The following MAGI2 variants were observed in gnomAD, a reference collection of about 807,000 sequenced individuals.
MAGI2 encodes membrane-associated guanylate kinase, WW and PDZ domain-containing protein 2.
A neutral mutation model predicts 133.3 loss-of-function variants in MAGI2; 35 were observed. The observed-to-expected ratio is 0.26, with a 90% CI of 0.20 to 0.35. The LOEUF (loss-of-function observed/expected upper bound fraction) is 0.35, where lower values mean the gene tolerates loss of function less well. MAGI2 is among the 10% of genes least tolerant of loss of function. The probability of loss-of-function intolerance (pLI) is 1.00; values close to 1 mark genes in which losing one functional copy is unlikely to be tolerated. For missense variants in MAGI2, 1,636 were observed against 1,863.4 expected, an observed-to-expected ratio of 0.88 and a Z score of 2.25; for synonymous variants, 729 against 710.6, an observed-to-expected ratio of 1.03 and a Z score of -0.41.
At chr7:78,133,167 T>C in intron 17 of MAGI2, 107 bp from the exon 18 acceptor site, 3 of 841,730 alleles carry the variant, frequency 3.6e-6, no homozygotes, top group Non-Finnish European at 5.4e-6. Flanking sequence ...CAGGCTTTGG[T>C]TATTTCCGTT....
intron 1 of MAGI2, among the ~76,000 whole-genome samples, chr7:79,205,502 G>A (rs935791169): frequency 3.3e-5 from 5 of 151,898 alleles, no homozygotes; most frequent in African/African-American, 1.2e-4. Context: ...GCTTCTTTGA[G>A]TTGAAAGAAA....
chr7:78,319,801 A>G (rs7455585), intron 9 of MAGI2, among the ~76,000 whole-genome samples: 34,814 of 151,988 alleles, frequency 0.23, 5,204 homozygotes, highest in African/African-American at 0.4. Flanking sequence ...AGGAGATAGA[A>G]ACACAAAAAA....
chr7:79,078,915 A>G (rs533850907), intron 1 of MAGI2, among the ~76,000 whole-genome samples: 1 of 152,328 alleles, frequency 6.6e-6, no homozygotes, highest in East Asian at 1.9e-4. Context: ...TTTTAAATTC[A>G]TGGAATCACA....
At chr7:78,785,837 C>A (rs905962597) in intron 2 of MAGI2, among the ~76,000 whole-genome samples, 1 of 152,092 alleles carries the variant, frequency 6.6e-6, no homozygotes, top group Non-Finnish European at 1.5e-5. Flanking sequence ...TGGTGTGACA[C>A]CAAAAGACAA....
At chr7:79,105,498 A>G (rs1376169208) in intron 1 of MAGI2, among the ~76,000 whole-genome samples, 2 of 152,142 alleles carry the variant, frequency 1.3e-5, no homozygotes, top group Non-Finnish European at 2.9e-5. Context: ...CATCTGGTCA[A>G]ATCTCAATTA....
At chr7:78,567,532 G>C (rs1250883348) in intron 3 of MAGI2, among the ~76,000 whole-genome samples, 2 of 152,044 alleles carry the variant, frequency 1.3e-5, no homozygotes, top group African/African-American at 4.8e-5. Flanking sequence ...TAGATGTAGA[G>C]GAAAAGAAAT....
rs139871455 is a variant in MAGI2 at position 78,435,094 on chromosome 7, T to A, written c.1045+54667A>T. Among the ~76,000 whole-genome samples, 304 of 152,268 alleles carry A rather than the reference T, an allele frequency of 2.0e-3. 1 individual carries two copies. The highest frequency in any genetic ancestry group is 6.7e-3 in the African/African-American group (279 of 41,548). ...TTGCCACCTGTGTCATCTTGGACAA[T>A]TGATTTAACCTTTCTGTGCTTGAGA... On this transcript the variant is annotated intron_variant, in intron 6 of 21. Transcript: ENST00000354212.
At chr7:78,573,284 T>TATTTA (rs1563188890) in intron 3 of MAGI2, among the ~76,000 whole-genome samples, 14 of 26,854 alleles carry the variant, frequency 5.2e-4, no homozygotes, top group East Asian at 4.3e-3. Context: ...ATATATATAT[T>TATTTA]TATATAAATA....
At chr7:79,306,190 T>C (rs963371182) in intron 1 of MAGI2, among the ~76,000 whole-genome samples, 5 of 146,120 alleles carry the variant, frequency 3.4e-5, no homozygotes, top group South Asian at 2.1e-4. Context: ...TATATACACA[T>C]ATATATATAC....
chr7:78,650,237 C>T (rs554331131), intron 2 of MAGI2, among the ~76,000 whole-genome samples: 23 of 152,262 alleles, frequency 1.5e-4, no homozygotes, highest in East Asian at 5.8e-4. Flanking sequence ...TCACAAAGCA[C>T]GCATTAGAAA....
intron 10 of MAGI2, among the ~76,000 whole-genome samples, chr7:78,216,606 G>C (rs1285267878): frequency 6.6e-6 from 1 of 152,104 alleles, no homozygotes; most frequent in Non-Finnish European, 1.5e-5. Context: ...TTACCACAAG[G>C]TCATTGAGCC....
intron 1 of MAGI2, among the ~76,000 whole-genome samples, chr7:79,423,216 A>G (rs990061594): frequency 1.0e-5 from 1 of 96,884 alleles, no homozygotes; most frequent in South Asian, 3.0e-4. Flanking sequence ...CGTTGTACAC[A>G]TCATCAATAA....
chr7:78,254,391 T>C (rs959796425), intron 10 of MAGI2: 5 of 152,224 alleles, frequency 3.3e-5, no homozygotes, highest in African/African-American at 1.2e-4. Flanking sequence ...TGATTTTCAT[T>C]TGGACACTAT....
chr7:78,874,425 T>A (rs1795262594), intron 2 of MAGI2, among the ~76,000 whole-genome samples: 1 of 152,180 alleles, frequency 6.6e-6, no homozygotes, highest in South Asian at 2.1e-4. Flanking sequence ...CTTTTGGTAA[T>A]GGCGGAATGA....
chr7:78,891,885 C>T (rs1372985340), intron 2 of MAGI2, among the ~76,000 whole-genome samples: 1 of 152,102 alleles, frequency 6.6e-6, no homozygotes, highest in East Asian at 1.9e-4. Flanking sequence ...CCAGGGCAAT[C>T]AGGCAGGAGA....
chr7:78,888,945 A>G (rs956310417), intron 2 of MAGI2, among the ~76,000 whole-genome samples: 1 of 151,140 alleles, frequency 6.6e-6, no homozygotes, highest in African/African-American at 2.4e-5. Context: ...TAAAGGAGGA[A>G]GTTCGAACCC....
intron 2 of MAGI2, among the ~76,000 whole-genome samples, chr7:78,807,290 G>A (rs536217442): frequency 6.6e-6 from 1 of 152,168 alleles, no homozygotes; most frequent in East Asian, 1.9e-4. Context: ...AAGTATTTAT[G>A]AATGCATTAA....
intron 3 of MAGI2, chr7:78,568,492 T>C (rs1418924778): frequency 1.3e-5 from 2 of 152,268 alleles, no homozygotes; most frequent in East Asian, 1.9e-4. Context: ...CATGAGTTGA[T>C]CAAGCCCCAA....
chr7:78,295,475 C>T (rs1221879387), intron 9 of MAGI2, among the ~76,000 whole-genome samples: 1 of 152,154 alleles, frequency 6.6e-6, no homozygotes, highest in Non-Finnish European at 1.5e-5. Context: ...CACATGACCT[C>T]TGAGGGTGTG....
Sources: allele counts gnomAD v4.1 joint callset (sites outside exome capture counted in the v4.1 genomes callset), GRCh38; gene constraint gnomAD v4.1.1; transcripts MANE v1.5; gene names NCBI Gene and HGNC (gene_info 2026-07-23, HGNC 2026-07-21).